The following GRIK1 variants were observed in gnomAD, a reference collection of about 807,000 sequenced individuals.
GRIK1 encodes glutamate ionotropic receptor kainate type subunit 1, also known as glutamate receptor ionotropic, kainate 1.
In GRIK1, 69 loss-of-function variants were observed where a neutral mutation model predicts 105.7. The observed-to-expected ratio is 0.65, with a 90% confidence interval of 0.54 to 0.80. The LOEUF is 0.80. GRIK1 is among the 30% of genes least tolerant of loss of function. GRIK1 has a pLI of 0.00. For synonymous variants in GRIK1, 438 were observed against 431.3 expected, an observed-to-expected ratio of 1.02 and a Z score of -0.19; for missense variants, 1,109 against 1,167.3, an observed-to-expected ratio of 0.95 and a Z score of 0.73.
At chr21:29,676,960 T>C (rs936617554) in intron 3 of GRIK1, among the ~76,000 whole-genome samples, 2 of 152,168 alleles carry the variant, frequency 1.3e-5, no homozygotes, top group African/African-American at 2.4e-5. Context: ...TAGATAACAT[T>C]ATTACGTTAT....
intron 1 of GRIK1, among the ~76,000 whole-genome samples, chr21:29,892,350 A>G (rs943917086): frequency 6.6e-6 from 1 of 152,270 alleles, no homozygotes; most frequent in Admixed American, 6.5e-5. Context: ...TGGAACAAGC[A>G]TGTTCACTAG....
intron 1 of GRIK1, among the ~76,000 whole-genome samples, chr21:29,776,673 G>A (rs2065952120): frequency 6.6e-6 from 1 of 152,292 alleles, no homozygotes; most frequent in African/African-American, 2.4e-5. Context: ...AAAAGTGAAA[G>A]AGTCTAAAGT....
At chr21:29,595,378 G>A (rs1397228470) in intron 9 of GRIK1, among the ~76,000 whole-genome samples, 3 of 147,416 alleles carry the variant, frequency 2.0e-5, no homozygotes, top group Non-Finnish European at 3.0e-5. Context: ...GTGCCGGTTA[G>A]GTTCATCTAT....
At chr21:29,542,127 C>T (rs1401717893) in intron 16 of GRIK1, among the ~76,000 whole-genome samples, 2 of 152,074 alleles carry the variant, frequency 1.3e-5, no homozygotes, top group Non-Finnish European at 2.9e-5. Flanking sequence ...GAAACTTCAA[C>T]TAAAACTCTT....
At position 29,693,972 on chromosome 21, in the gene GRIK1, G is replaced by C. The variant is rs766551637; in HGVS notation, c.210C>G (p.Thr70=). 7 of 1,612,116 alleles carry C rather than the reference G, an allele frequency of 4.3e-6. No individual in the cohort carries two copies. The highest frequency in any genetic ancestry group is 5.1e-6 in the Non-Finnish European group (6 of 1,178,200). ...FAVTSINRNR[T]LMPNTTLTYD... is the part of the protein sequence containing the mutation. ...AGGTTAATGTGGTGTTAGGCATCAG[G>C]GTTCGGTTTCTGTTAATGCTGGTGA... Residue 70 remains threonine, a synonymous_variant, in exon 2 of 18, where the codon ACC becomes ACG. Coordinates refer to ENST00000327783, the MANE Select transcript of GRIK1 (RefSeq NM_001330994.2).
At chr21:29,722,312 T>G (rs2064342210) in intron 1 of GRIK1, among the ~76,000 whole-genome samples, 1 of 152,084 alleles carries the variant, frequency 6.6e-6, no homozygotes, top group African/African-American at 2.4e-5. Context: ...AAAAAAGCAC[T>G]TTGGGAGGCT....
chr21:29,767,444 A>T (rs557802303), intron 1 of GRIK1, among the ~76,000 whole-genome samples: 6 of 152,270 alleles, frequency 3.9e-5, no homozygotes, highest in African/African-American at 1.4e-4. Flanking sequence ...AATTAAGAGA[A>T]TACAACCTGT....
intron 6 of GRIK1, among the ~76,000 whole-genome samples, chr21:29,649,684 T>C (rs2062691557): frequency 6.6e-6 from 1 of 152,262 alleles, no homozygotes; most frequent in Non-Finnish European, 1.5e-5. Context: ...CAGCTCAGTA[T>C]AATTGAACAC....
intron 1 of GRIK1, among the ~76,000 whole-genome samples, chr21:29,806,468 T>C (rs2066867439): frequency 6.6e-6 from 1 of 152,168 alleles, no homozygotes; most frequent in African/African-American, 2.4e-5. Context: ...CATTTTGGCA[T>C]TATTTTCCCA....
intron 15 of GRIK1, among the ~76,000 whole-genome samples, 191 bp from the exon 16 acceptor site, chr21:29,555,493 C>A (rs1026452059): frequency 6.6e-6 from 1 of 152,112 alleles, no homozygotes; most frequent in Non-Finnish European, 1.5e-5. Context: ...AAGAAGATAG[C>A]TGACATGTTG....
chr21:29,826,135 G>A (rs2145943306), intron 1 of GRIK1, among the ~76,000 whole-genome samples: 1 of 152,210 alleles, frequency 6.6e-6, no homozygotes, highest in East Asian at 1.9e-4. Context: ...ATTCCTGGGT[G>A]ACGATCTGTA....
At chr21:29,675,522 T>C (rs1467219221) in intron 3 of GRIK1, among the ~76,000 whole-genome samples, 1 of 152,234 alleles carries the variant, frequency 6.6e-6, no homozygotes, top group Non-Finnish European at 1.5e-5. Context: ...TCTATCATGA[T>C]GACTTACATA....
At chr21:29,756,418 C>T (rs1360581542) in intron 1 of GRIK1, among the ~76,000 whole-genome samples, 2 of 152,098 alleles carry the variant, frequency 1.3e-5, no homozygotes, top group Non-Finnish European at 2.9e-5. Flanking sequence ...ATGCTGCGCC[C>T]AGCACGGTCA....
intron 1 of GRIK1, among the ~76,000 whole-genome samples, chr21:29,826,751 G>A (rs1187121985): frequency 6.6e-6 from 1 of 152,078 alleles, no homozygotes; most frequent in African/African-American, 2.4e-5. Context: ...TGGAGAGAGA[G>A]AGAGAAATTT....
intron 7 of GRIK1, among the ~76,000 whole-genome samples, chr21:29,640,198 C>T (rs1190523948): frequency 6.6e-6 from 1 of 151,114 alleles, no homozygotes; most frequent in African/African-American, 2.4e-5. Context: ...AATTTGGGGA[C>T]CAAGTTCCTT....
intron 7 of GRIK1, among the ~76,000 whole-genome samples, chr21:29,615,653 T>C (rs2061833406): frequency 6.6e-6 from 1 of 152,226 alleles, no homozygotes; most frequent in Non-Finnish European, 1.5e-5. Context: ...ATACTTAATA[T>C]AGCTAATTAA....
At chr21:29,714,213 A>C (rs1221304279) in intron 1 of GRIK1, among the ~76,000 whole-genome samples, 1 of 151,736 alleles carries the variant, frequency 6.6e-6, no homozygotes, top group Non-Finnish European at 1.5e-5. Flanking sequence ...AGTGGGGTAC[A>C]GTTTGCTCTT....
At chr21:29,686,584 C>T (rs2063490193) in intron 3 of GRIK1, among the ~76,000 whole-genome samples, 1 of 152,344 alleles carries the variant, frequency 6.6e-6, no homozygotes, top group Admixed American at 6.5e-5. Context: ...CCTAGCCCAG[C>T]ATGTATTTTT....
At chr21:29,938,560 C>T (rs1243503369) in intron 1 of GRIK1, among the ~76,000 whole-genome samples, 3 of 152,204 alleles carry the variant, frequency 2.0e-5, no homozygotes, top group Non-Finnish European at 4.4e-5. Context: ...CTTCCACTGT[C>T]CTTGCGTTTT....
Sources: allele counts gnomAD v4.1 joint callset (sites outside exome capture counted in the v4.1 genomes callset), GRCh38; gene constraint gnomAD v4.1.1; transcripts MANE v1.5; gene names NCBI Gene and HGNC (gene_info 2026-07-23, HGNC 2026-07-21).